Variants in NEK11 observed in about 807,000 individuals in gnomAD.
NEK11 encodes NIMA related kinase 11.
NEK11 carries 72 observed loss-of-function variants against 80.7 expected under a neutral mutation model. The observed-to-expected ratio is 0.89, with a 90% CI of 0.74 to 1.08. The LOEUF is 1.08. NEK11 is among the 50% of genes least tolerant of loss of function. The probability of loss-of-function intolerance (pLI) is 0.00; values close to 1 mark genes in which losing one functional copy is unlikely to be tolerated. For synonymous variants in NEK11, 251 were observed against 260.7 expected (o/e 0.96, Z 0.36); for missense variants, 764 against 763.6 (o/e 1.00, Z -0.01).
intron 14 of NEK11, among the ~76,000 whole-genome samples, chr3:131,171,955 A>G (rs994807409): frequency 2.6e-5 from 4 of 152,244 alleles, no homozygotes; most frequent in East Asian, 1.9e-4. Context: ...CTTTTAGAGA[A>G]AATGCTTATA....
intron 10 of NEK11, among the ~76,000 whole-genome samples, chr3:131,156,870 A>G (rs765091522): frequency 1.8e-4 from 27 of 152,158 alleles, no homozygotes; most frequent in Non-Finnish European, 3.2e-4. Flanking sequence ...AATATGCTTA[A>G]CATTAATCAT....
chr3:131,169,127 T>G (rs1183346973), intron 13 of NEK11, among the ~76,000 whole-genome samples, 190 bp downstream of exon 13: 3 of 152,152 alleles, frequency 2.0e-5, no homozygotes, highest in Non-Finnish European at 4.4e-5. Context: ...ATTAATCAGA[T>G]GCAAGAGGCT....
intron 5 of NEK11, among the ~76,000 whole-genome samples, chr3:131,128,995 C>G (rs74602849): frequency 0.012 from 1,737 of 150,858 alleles, 43 homozygotes; most frequent in African/African-American, 0.039. Flanking sequence ...ATTTTAAAAC[C>G]AGATTATTTT....
chr3:131,258,897 A>G (rs1167662805), intron 16 of NEK11, among the ~76,000 whole-genome samples: 1 of 152,150 alleles, frequency 6.6e-6, no homozygotes. Flanking sequence ...CTATTGATAC[A>G]CTGAGAAGCT....
At chr3:131,046,554 T>G (rs981702489) in intron 3 of NEK11, among the ~76,000 whole-genome samples, 13 of 152,048 alleles carry the variant, frequency 8.5e-5, no homozygotes, top group South Asian at 2.1e-4. Context: ...TCAGAATATG[T>G]ATCTGGTTTC....
At chr3:131,209,151 C>T (rs527842486) in intron 14 of NEK11, among the ~76,000 whole-genome samples, 5 of 152,192 alleles carry the variant, frequency 3.3e-5, no homozygotes, top group East Asian at 1.9e-4. Context: ...CAATACCTAG[C>T]TTATTGAGAG....
At chr3:131,236,586 T>C (rs1435091826) in intron 15 of NEK11, among the ~76,000 whole-genome samples, 1 of 152,186 alleles carries the variant, frequency 6.6e-6, no homozygotes, top group Non-Finnish European at 1.5e-5. Context: ...TGTGGACACG[T>C]TGACAGTCAC....
intron 17 of NEK11, among the ~76,000 whole-genome samples, chr3:131,312,831 C>CT (rs896426712): frequency 5.9e-5 from 9 of 151,876 alleles, no homozygotes; most frequent in African/African-American, 1.7e-4. Context: ...TTTTTAAAAA[C>CT]TTTTTTTTAG....
At position 131,080,508 on chromosome 3, in the gene NEK11, C is replaced by A. The variant is rs1577970029; in HGVS notation, c.256C>A (p.Leu86Met). 6.2e-7 allele frequency: 1 copy of A among 1,614,068 alleles called. No homozygotes were observed. Among genetic ancestry groups the A allele is most frequent in the African/African-American group, 1.3e-5 (1 of 75,064 alleles). Residue 86 changes from leucine (L) to methionine (M), a missense_variant, in exon 4 of 18, where the codon CTG becomes ATG. Transcript: ENST00000383366. ...TTTGGAAGCCCAACTCCTCTCCAAG[C>A]TGGACCACCCAGCCATTGTCAAGTT... is the stretch of plus-strand genomic sequence containing the variant. ...ANLEAQLLSK[L>M]DHPAIVKFHA...
intron 7 of NEK11, among the ~76,000 whole-genome samples, chr3:131,134,623 TCTC>T (rs141188093): frequency 0.015 from 2,236 of 152,166 alleles, 58 homozygotes; most frequent in African/African-American, 0.05. Flanking sequence ...ATGGTCTCAA[TCTC>T]CTGACCTCAT....
At chr3:131,098,622 C>G (rs1035619727) in intron 4 of NEK11, among the ~76,000 whole-genome samples, 1 of 149,558 alleles carries the variant, frequency 6.7e-6, no homozygotes, top group Non-Finnish European at 1.5e-5. Context: ...GTTGCCCAGG[C>G]TGGAGTGTAG....
intron 10 of NEK11, among the ~76,000 whole-genome samples, chr3:131,161,165 G>GA (rs1325770154): frequency 0.012 from 1,637 of 131,688 alleles, 39 homozygotes; most frequent in African/African-American, 0.041. Context: ...AAAAAAAAAA[G>GA]AAAAAAAAAG....
At chr3:131,117,231 G>A in intron 5 of NEK11, among the ~76,000 whole-genome samples, 1 of 152,154 alleles carries the variant, frequency 6.6e-6, no homozygotes, top group East Asian at 1.9e-4. Flanking sequence ...ATTAAAGAGG[G>A]AATCCTTTCC....
intron 3 of NEK11, among the ~76,000 whole-genome samples, chr3:131,042,659 G>T (rs1056550786): frequency 6.6e-6 from 1 of 152,196 alleles, no homozygotes; most frequent in Non-Finnish European, 1.5e-5. Flanking sequence ...AGAGCACCTG[G>T]GGGAAGGGGC....
chr3:131,218,936 CTG>C (rs2094930196), intron 14 of NEK11, among the ~76,000 whole-genome samples: 1 of 152,124 alleles, frequency 6.6e-6, no homozygotes, highest in Non-Finnish European at 1.5e-5. Context: ...TGCTTTTACA[CTG>C]TTGGTGGGAG....
At chr3:131,158,339 T>A (rs1051586735) in intron 10 of NEK11, among the ~76,000 whole-genome samples, 3 of 152,136 alleles carry the variant, frequency 2.0e-5, no homozygotes, top group Non-Finnish European at 4.4e-5. Context: ...AGATTTTGAC[T>A]TTCCTGCCCT....
At chr3:131,295,507 T>C (rs2096584352) in intron 17 of NEK11, among the ~76,000 whole-genome samples, 1 of 152,204 alleles carries the variant, frequency 6.6e-6, no homozygotes, top group Non-Finnish European at 1.5e-5. Context: ...AAGTTAGAAA[T>C]GAGTGCACAT....
At chr3:131,072,116 A>G (rs2073455305) in intron 3 of NEK11, 1 of 152,132 alleles carries the variant, frequency 6.6e-6, no homozygotes, top group Non-Finnish European at 1.5e-5. Context: ...AAATGGCTTA[A>G]ACAATAAGAA....
rs192342814 is a variant in NEK11 at position 131,237,423 on chromosome 3, G to T, written c.1561-6013G>T. On this transcript the variant is annotated intron_variant, in intron 15 of 17. Coordinates refer to ENST00000383366, the MANE Select transcript of NEK11 (RefSeq NM_024800.5). ...ACATATTTGAATGGTCTAAGCACTG[G>T]GTATATGGTAGTGAACACAATAGAC... 1.8e-4 allele frequency among the ~76,000 whole-genome samples: 27 copies of T among 152,178 alleles called. No homozygotes were observed. In the East Asian group the frequency reaches 4.6e-3, roughly 26 times the overall value.
Sources: allele counts gnomAD v4.1 joint callset (sites outside exome capture counted in the v4.1 genomes callset), GRCh38; gene constraint gnomAD v4.1.1; transcripts MANE v1.5; gene names NCBI Gene and HGNC (gene_info 2026-07-23, HGNC 2026-07-21).